INTS9: variants seen among roughly 807,000 people sequenced by gnomAD.
The protein encoded by INTS9 is integrator complex subunit 9.
INTS9 carries 55 observed loss-of-function variants against 79.7 expected under a neutral mutation model. The observed-to-expected ratio is 0.69, with a 90% CI of 0.56 to 0.86. INTS9 has a LOEUF of 0.86. Ranked by LOEUF, INTS9 falls within the 40% of genes least tolerant of loss-of-function variation. The probability of loss-of-function intolerance (pLI) is 0.00; values close to 1 mark genes in which losing one functional copy is unlikely to be tolerated. For synonymous variants in INTS9, 319 were observed against 325.2 expected (o/e 0.98, Z 0.20); for missense variants, 721 against 831.5 (o/e 0.87, Z 1.64).
intron 10 of INTS9, among the ~76,000 whole-genome samples, chr8:28,789,681 C>T (rs1471688437): frequency 6.6e-6 from 1 of 152,112 alleles, no homozygotes; most frequent in African/African-American, 2.4e-5. Flanking sequence ...ATCACTTGAA[C>T]CCAGGAGTTC....
chr8:28,882,929 T>C lies in INTS9; in HGVS notation c.9+6945A>G, dbSNP rs1449615329. On this transcript the variant is annotated intron_variant, in intron 1 of 16. Coordinates refer to ENST00000521022, the MANE Select transcript of INTS9 (RefSeq NM_018250.4). ...AGTTCCCACCACACAGTTACTAGTC[T>C]TGATCACTGAGCAACTTGCGACTTT... 2.0e-5 allele frequency among the ~76,000 whole-genome samples: 3 copies of C among 152,258 alleles called. No individual in the cohort carries two copies. The East Asian group carries it at 5.8e-4, about 29-fold the overall frequency.
intron 11 of INTS9, chr8:28,783,833 G>A (rs766548899): frequency 9.9e-5 from 15 of 152,154 alleles, no homozygotes; most frequent in Non-Finnish European, 1.8e-4. Flanking sequence ...CAGTTAAATG[G>A]GTGAGTGGCT....
At chr8:28,788,931 AT>A (rs1345687889) in intron 10 of INTS9, among the ~76,000 whole-genome samples, 1 of 152,250 alleles carries the variant, frequency 6.6e-6, no homozygotes, top group Non-Finnish European at 1.5e-5. Context: ...CAGGTTTGAC[AT>A]TTAAAAAAAT....
intron 11 of INTS9, among the ~76,000 whole-genome samples, chr8:28,786,853 G>A (rs1455437309): frequency 1.3e-5 from 2 of 152,062 alleles, no homozygotes; most frequent in African/African-American, 4.8e-5. Context: ...GAGCAGTTGT[G>A]ACTACAGGCA....
At chr8:28,786,202 G>T (rs1005446240) in intron 11 of INTS9, among the ~76,000 whole-genome samples, 1 of 152,172 alleles carries the variant, frequency 6.6e-6, no homozygotes, top group Admixed American at 6.5e-5. Flanking sequence ...TGATGTAAGG[G>T]ACTGTGTGAG....
In INTS9 at chr8:28,880,249, CCT is replaced by C. The variant is rs1563317642; in HGVS notation, c.9+9623_9+9624del. On this transcript the variant is annotated intron_variant, in intron 1 of 16. Transcript: ENST00000521022. ...AGCTCTCCCTCTCCCTCTCCCTCTC[CCT>C]CTCCCTCTCCCTCTCCCTCTCCCTC... Among the ~76,000 whole-genome samples, 430 of 142,198 alleles carry C rather than the reference CCT, an allele frequency of 3.0e-3. 2 individuals carry two copies. The highest frequency in any genetic ancestry group is 0.011 in the African/African-American group (418 of 37,052). The allele number at this position is 142,198 out of a possible 152,430, so 93.3% of individuals were successfully genotyped here.
At chr8:28,779,366 C>A (rs1803098186) in intron 12 of INTS9, among the ~76,000 whole-genome samples, 1 of 152,198 alleles carries the variant, frequency 6.6e-6, no homozygotes, top group South Asian at 2.1e-4. Flanking sequence ...TCAGCAAGAG[C>A]CGGCCTGGCA....
chr8:28,776,015 G>A (rs1026941057), intron 13 of INTS9, 89 bp from the exon 14 acceptor site: 29 of 1,014,380 alleles, frequency 2.9e-5, no homozygotes, highest in Middle Eastern at 3.3e-4. Flanking sequence ...TCCACTCCCC[G>A]CCATTACAGG....
chr8:28,872,375 T>A (rs560583616), intron 1 of INTS9, among the ~76,000 whole-genome samples: 1 of 152,288 alleles, frequency 6.6e-6, no homozygotes, highest in South Asian at 2.1e-4. Flanking sequence ...ATGAACTACA[T>A]AAATGTTCCA....
chr8:28,768,178 C>T lies in INTS9; in HGVS notation c.1945G>A (p.Asp649Asn). 1 of 1,614,158 alleles carries T rather than the reference C, an allele frequency of 6.2e-7. No homozygotes were observed. Among genetic ancestry groups the T allele is most frequent in the Non-Finnish European group, 8.5e-7 (1 of 1,180,032 alleles). Residue 649 changes from aspartate (D) to asparagine (N), a missense_variant, in exon 17 of 17, where the codon GAC becomes AAC. Physicochemically the swap from Asp to Asn is conservative, Grantham distance 23 (BLOSUM62 1). Coordinates refer to ENST00000521022, the MANE Select transcript of INTS9 (RefSeq NM_018250.4). ...TTCTGTAAGAATTTGAGGACAAGGT[C>T]CCGCAGTCGCACTCTGAGCATCTCG... The part of the protein sequence containing the change: ...NDEMLRVRLR[D>N]LVLKFLQKF
intron 12 of INTS9, chr8:28,780,227 T>TAAA (rs560903797): frequency 5.0e-5 from 2 of 39,842 alleles, no homozygotes; most frequent in East Asian, 1.1e-3. Context: ...ACTGATGAGC[T>TAAA]AAAAAAAAAA....
intron 12 of INTS9, 147 bp downstream of exon 12, chr8:28,780,676 T>G: frequency 6.9e-7 from 1 of 1,438,906 alleles, no homozygotes; most frequent in South Asian, 1.5e-5. Context: ...TTCTCTGCGG[T>G]TTCTTCATTC....
intron 12 of INTS9, chr8:28,780,529 C>T: frequency 1.0e-6 from 1 of 985,404 alleles, no homozygotes; most frequent in Non-Finnish European, 1.2e-6. Flanking sequence ...GTTACTGAAT[C>T]ACTGCACTTC....
At chr8:28,801,669 T>C (rs1804535596) in intron 8 of INTS9, among the ~76,000 whole-genome samples, 1 of 152,216 alleles carries the variant, frequency 6.6e-6, no homozygotes, top group Admixed American at 6.5e-5. Context: ...TGGAGTGCAA[T>C]GGCGTGATCT....
chr8:28,888,524 T>C (rs1563324119), intron 1 of INTS9, among the ~76,000 whole-genome samples: 1 of 152,252 alleles, frequency 6.6e-6, no homozygotes, highest in Non-Finnish European at 1.5e-5. Flanking sequence ...CACTTCAGTC[T>C]GGGCCCCACA....
At chr8:28,791,183 T>C (rs1355391367) in intron 10 of INTS9, among the ~76,000 whole-genome samples, 1 of 152,154 alleles carries the variant, frequency 6.6e-6, no homozygotes, top group Non-Finnish European at 1.5e-5. Flanking sequence ...ACTCTTGTCT[T>C]GTACTTCAGT....
chr8:28,833,751 T>C (rs543200939), intron 6 of INTS9, among the ~76,000 whole-genome samples: 1 of 151,820 alleles, frequency 6.6e-6, no homozygotes, highest in African/African-American at 2.4e-5. Context: ...GTGGCTGCTG[T>C]GGGGCCTGGA....
intron 1 of INTS9, among the ~76,000 whole-genome samples, chr8:28,883,715 A>T (rs1203144243): frequency 6.6e-6 from 1 of 152,204 alleles, no homozygotes; most frequent in Non-Finnish European, 1.5e-5. Flanking sequence ...TTCACGTTCC[A>T]TATAGGCTGG....
chr8:28,859,714 T>A, intron 1 of INTS9, 151 bp from the exon 2 acceptor site: 1 of 806,494 alleles, frequency 1.2e-6, no homozygotes, highest in Non-Finnish European at 2.1e-6. Flanking sequence ...TTTTACTGCT[T>A]GGGGACTACT....
Sources: allele counts gnomAD v4.1 joint callset (sites outside exome capture counted in the v4.1 genomes callset), GRCh38; gene constraint gnomAD v4.1.1; transcripts MANE v1.5; gene names NCBI Gene and HGNC (gene_info 2026-07-23, HGNC 2026-07-21).